VPS13B: variants seen among roughly 807,000 people sequenced by gnomAD.
VPS13B encodes intermembrane lipid transfer protein VPS13B.
A neutral mutation model predicts 426.4 loss-of-function variants in VPS13B; 285 were observed. The observed-to-expected ratio is 0.67, with a 90% confidence interval of 0.61 to 0.74. The LOEUF is 0.74. VPS13B is among the 30% of genes least tolerant of loss of function. The pLI is 0.00. For missense variants in VPS13B, 4,537 were observed against 4,782.6 expected (o/e 0.95, Z 1.51); for synonymous variants, 1,676 against 1,676.4 (o/e 1.00, Z 0.01).
intron 19 of VPS13B, among the ~76,000 whole-genome samples, chr8:99,342,948 T>C (rs756656781): frequency 1.3e-5 from 2 of 152,214 alleles, no homozygotes; most frequent in African/African-American, 2.4e-5. Context: ...CTAATGGGTA[T>C]TAGGTGACTT....
intron 34 of VPS13B, among the ~76,000 whole-genome samples, chr8:99,653,036 T>TA (rs1829885340): frequency 6.6e-6 from 1 of 152,186 alleles, no homozygotes; most frequent in South Asian, 2.1e-4. Context: ...TCTTGACTTT[T>TA]AGCCTTGGTT....
chr8:99,674,701 A>G (rs1453061255), intron 35 of VPS13B, among the ~76,000 whole-genome samples: 4 of 151,830 alleles, frequency 2.6e-5, no homozygotes, highest in African/African-American at 9.7e-5. Flanking sequence ...CTCTATTGGT[A>G]TATTTTGATT....
At chr8:99,079,355 C>G (rs758045869) in intron 3 of VPS13B, among the ~76,000 whole-genome samples, 3 of 151,996 alleles carry the variant, frequency 2.0e-5, no homozygotes, top group Non-Finnish European at 2.9e-5. Flanking sequence ...CAGATGACAC[C>G]TGTGGCTGTG....
chr8:99,415,329 G>A (rs924888539), intron 21 of VPS13B, among the ~76,000 whole-genome samples: 10 of 151,508 alleles, frequency 6.6e-5, no homozygotes, highest in African/African-American at 2.4e-4. Flanking sequence ...CTTTTTCCCG[G>A]TTCTTAGCTT....
intron 42 of VPS13B, among the ~76,000 whole-genome samples, chr8:99,782,917 T>C (rs1812087169): frequency 6.6e-6 from 1 of 152,156 alleles, no homozygotes; most frequent in Admixed American, 6.5e-5. Flanking sequence ...TTTTGGCGAT[T>C]AGTGTGACTA....
intron 3 of VPS13B, among the ~76,000 whole-genome samples, chr8:99,073,389 T>A (rs1328152769): frequency 6.6e-6 from 1 of 152,222 alleles, no homozygotes; most frequent in Admixed American, 6.5e-5. Context: ...ATTTGTATCC[T>A]TTTCTGTTTC....
intron 17 of VPS13B, among the ~76,000 whole-genome samples, chr8:99,263,830 G>C (rs559441004): frequency 7.2e-5 from 11 of 152,138 alleles, no homozygotes; most frequent in South Asian, 4.2e-4. Flanking sequence ...AACATCTTTG[G>C]GGGGGACCAT....
intron 40 of VPS13B, among the ~76,000 whole-genome samples, chr8:99,775,752 G>T (rs564646842): frequency 4.6e-5 from 7 of 152,208 alleles, no homozygotes; most frequent in Non-Finnish European, 7.4e-5. Flanking sequence ...ACAAAAATTA[G>T]CTGGGCATGG....
chr8:99,437,416 T>C (rs1817440477), intron 22 of VPS13B, among the ~76,000 whole-genome samples: 1 of 151,564 alleles, frequency 6.6e-6, no homozygotes, highest in Non-Finnish European at 1.5e-5. Flanking sequence ...AAAAAAAATA[T>C]ATATATATAT....
chr8:99,843,385 C>T (rs1469063896), intron 54 of VPS13B, among the ~76,000 whole-genome samples: 1 of 152,146 alleles, frequency 6.6e-6, no homozygotes, highest in African/African-American at 2.4e-5. Context: ...GGCCATCAGT[C>T]ATTAATTATT....
intron 21 of VPS13B, chr8:99,424,462 G>C (rs374241650): frequency 1.4e-4 from 21 of 152,086 alleles, no homozygotes; most frequent in Non-Finnish European, 2.9e-5. Flanking sequence ...AATGATTACT[G>C]GGTAGATAAT....
At chr8:99,742,937 A>G (rs1373386666) in intron 39 of VPS13B, among the ~76,000 whole-genome samples, 1 of 152,178 alleles carries the variant, frequency 6.6e-6, no homozygotes, top group South Asian at 2.1e-4. Context: ...GCCCTCTCTC[A>G]CCACTCCTAT....
In VPS13B at chr8:99,013,353, C is replaced by G. The variant is rs147672364; in HGVS notation, c.-30+6C>G. 2.2e-4 allele frequency: 62 copies of G among 278,048 alleles called. No individual in the cohort carries two copies. Among genetic ancestry groups the G allele is most frequent in the Non-Finnish European group, 3.9e-4 (55 of 141,810 alleles). 17.2% of individuals were successfully genotyped at this position (278,048 alleles called of 1,614,324 possible). The stretch of plus-strand genomic sequence containing the variant: ...ACGCGGCGGTACTCTGGCGTGTGAG[C>G]CGAGGGTGGAGTGCAGAGGGAGCGG... On this transcript the variant is annotated splice_donor_region_variant and intron_variant, in intron 1 of 61. Coordinates refer to ENST00000357162, the MANE Select transcript of VPS13B (RefSeq NM_152564.5).
intron 3 of VPS13B, among the ~76,000 whole-genome samples, chr8:99,052,887 T>C (rs1843635206): frequency 6.6e-6 from 1 of 152,184 alleles, no homozygotes; most frequent in African/African-American, 2.4e-5. Flanking sequence ...ATCCCCTTTA[T>C]CATATTTTAT....
intron 34 of VPS13B, 40 bp downstream of exon 34, chr8:99,642,538 A>G (rs981094629): frequency 2.5e-5 from 38 of 1,528,456 alleles, no homozygotes; most frequent in Non-Finnish European, 3.1e-5. Context: ...AATAATTACT[A>G]TCTAATAAGT....
At chr8:99,196,905 C>G (rs868218671) in intron 17 of VPS13B, among the ~76,000 whole-genome samples, 6 of 152,084 alleles carry the variant, frequency 3.9e-5, no homozygotes, top group Admixed American at 1.3e-4. Context: ...TGTCAGGTCC[C>G]TCATCTTTAA....
intron 3 of VPS13B, among the ~76,000 whole-genome samples, chr8:99,053,618 A>C (rs1342379891): frequency 2.0e-5 from 3 of 150,282 alleles, no homozygotes; most frequent in African/African-American, 7.3e-5. Context: ...TTCACTTAGC[A>C]CAGTGTCCTC....
intron 42 of VPS13B, 152 bp downstream of exon 42, chr8:99,779,183 G>A (rs896130298): frequency 8.5e-6 from 7 of 822,208 alleles, no homozygotes; most frequent in South Asian, 1.5e-5. Flanking sequence ...GGCCTTCTCT[G>A]TTTTGGCAAA....
chr8:99,286,345 A>C lies in VPS13B; in HGVS notation c.2824+11091A>C, dbSNP rs145885791. ...GAATAATTTTTAAATGTAAAATCAT[A>C]ACTCTCATATAGAAATAAGACAAGT... On this transcript the variant is annotated intron_variant, in intron 19 of 61. Transcript: ENST00000357162. 3.9e-5 allele frequency among the ~76,000 whole-genome samples: 6 copies of C among 152,328 alleles called. No individual in the cohort carries two copies. In the East Asian group the frequency reaches 9.6e-4, roughly 24 times the overall value.
Sources: allele counts gnomAD v4.1 joint callset (sites outside exome capture counted in the v4.1 genomes callset), GRCh38; gene constraint gnomAD v4.1.1; transcripts MANE v1.5; gene names NCBI Gene and HGNC (gene_info 2026-07-23, HGNC 2026-07-21).